The following DSCAM variants were observed in gnomAD, a reference collection of about 807,000 sequenced individuals.
DSCAM encodes the protein DS cell adhesion molecule, also known as cell adhesion molecule DSCAM.
DSCAM carries 47 observed loss-of-function variants against 217.7 expected under a neutral mutation model. That is an observed-to-expected ratio of 0.22 (90% CI 0.17 to 0.28). The LOEUF (loss-of-function observed/expected upper bound fraction) is 0.28. Among genes scored for constraint, DSCAM ranks in the 10% least tolerant of loss-of-function variants. DSCAM has a pLI of 1.00. For missense variants in DSCAM, 2,080 were observed against 2,618.3 expected (o/e 0.79, Z 4.49); for synonymous variants, 1,056 against 1,015.3 (o/e 1.04, Z -0.76).
chr21:40,632,222 AC>A (rs1416731756), intron 3 of DSCAM, among the ~76,000 whole-genome samples: 1 of 151,782 alleles, frequency 6.6e-6, no homozygotes, highest in East Asian at 1.9e-4. Flanking sequence ...AAATAAAACT[AC>A]CCCCAAGACA....
chr21:40,408,361 T>C (rs1220012338), intron 3 of DSCAM, among the ~76,000 whole-genome samples: 1 of 152,026 alleles, frequency 6.6e-6, no homozygotes. Context: ...ATCATTAGAA[T>C]GGGAAACCAT....
Position 40,285,698 on chromosome 21 carries a change from C to A in DSCAM, c.2183-9428G>T, listed in dbSNP as rs550773279. Among the ~76,000 whole-genome samples the A allele has an allele frequency of 4.6e-5, 7 of 152,300 alleles. No individual in the cohort carries two copies. The South Asian group carries it at 1.4e-3, about 32-fold the overall frequency. On this transcript the variant is annotated intron_variant, in intron 10 of 32. Coordinates refer to ENST00000400454, the MANE Select transcript of DSCAM (RefSeq NM_001389.5). ...CCCTTGTCTCTTCTTGGGGAACACA[C>A]AACACACAAGCAGAGCTCCTTTTGT...
intron 3 of DSCAM, among the ~76,000 whole-genome samples, chr21:40,546,251 G>A (rs144742019): frequency 6.6e-6 from 1 of 152,296 alleles, no homozygotes; most frequent in South Asian, 2.1e-4. Context: ...AGGAGAGCTG[G>A]GGGTCCACAC....
chr21:40,298,372 C>T (rs116878724), intron 9 of DSCAM, among the ~76,000 whole-genome samples: 1,990 of 152,138 alleles, frequency 0.013, 24 homozygotes, highest in Non-Finnish European at 0.021. Flanking sequence ...TGAGCCACTG[C>T]GCACGGCCTG....
intron 11 of DSCAM, among the ~76,000 whole-genome samples, chr21:40,197,048 G>T (rs190047463): frequency 6.6e-6 from 1 of 152,134 alleles, no homozygotes; most frequent in Non-Finnish European, 1.5e-5. Flanking sequence ...ATAAAGATTA[G>T]AATATAAGAG....
At chr21:40,402,700 G>A (rs753450316) in intron 3 of DSCAM, among the ~76,000 whole-genome samples, 53 of 149,872 alleles carry the variant, frequency 3.5e-4, no homozygotes, top group Non-Finnish European at 6.1e-4. Context: ...AATTTATTGA[G>A]AGGAAGATTT....
chr21:40,299,803 G>A (rs2073994453), intron 9 of DSCAM, among the ~76,000 whole-genome samples: 1 of 152,014 alleles, frequency 6.6e-6, no homozygotes, highest in Non-Finnish European at 1.5e-5. Flanking sequence ...AAAGTAAGCA[G>A]CAGTTTATTT....
chr21:40,379,761 A>C (rs1338050737), intron 3 of DSCAM, among the ~76,000 whole-genome samples: 1 of 152,196 alleles, frequency 6.6e-6, no homozygotes, highest in East Asian at 1.9e-4. Context: ...ACTGTTTAGA[A>C]GATATACATA....
intron 3 of DSCAM, among the ~76,000 whole-genome samples, chr21:40,453,091 T>TGTGTGTGTGA (rs1555921384): frequency 7.8e-6 from 1 of 128,884 alleles, no homozygotes; most frequent in Non-Finnish European, 1.6e-5. Flanking sequence ...TGTGTGTGTG[T>TGTGTGTGTGA]GAGATATATG....
intron 11 of DSCAM, among the ~76,000 whole-genome samples, chr21:40,209,516 G>A (rs116225257): frequency 0.013 from 2,054 of 152,200 alleles, 57 homozygotes; most frequent in African/African-American, 0.047. Flanking sequence ...CTGAGCTGCT[G>A]TCTCCCATCT....
intron 1 of DSCAM, among the ~76,000 whole-genome samples, chr21:40,788,102 T>C (rs541331767): frequency 6.6e-6 from 1 of 152,346 alleles, no homozygotes; most frequent in East Asian, 1.9e-4. Context: ...TTCCTCGCCC[T>C]CTTCCAAGAA....
At chr21:40,693,090 T>C (rs1374256932) in intron 2 of DSCAM, 134 bp from the exon 3 acceptor site, 1 of 1,048,760 alleles carries the variant, frequency 9.5e-7, no homozygotes, top group Non-Finnish European at 1.3e-6. Context: ...ACAGTTAAGA[T>C]GCCTACATTT....
intron 1 of DSCAM, among the ~76,000 whole-genome samples, chr21:40,729,262 C>G (rs981158568): frequency 6.6e-6 from 1 of 152,160 alleles, no homozygotes; most frequent in Non-Finnish European, 1.5e-5. Flanking sequence ...AGGAACAGAG[C>G]TGGGATTTGG....
At chr21:40,437,353 G>A (rs1455366577) in intron 3 of DSCAM, among the ~76,000 whole-genome samples, 1 of 152,120 alleles carries the variant, frequency 6.6e-6, no homozygotes, top group Non-Finnish European at 1.5e-5. Flanking sequence ...CAGAGTCACA[G>A]AGGCAATACT....
At chr21:40,395,324 A>T (rs2075169045) in intron 3 of DSCAM, among the ~76,000 whole-genome samples, 1 of 151,258 alleles carries the variant, frequency 6.6e-6, no homozygotes, top group Non-Finnish European at 1.5e-5. Flanking sequence ...GTCTATTTTT[A>T]CTTTCCTTCT....
chr21:40,196,451 G>A (rs549403993), intron 11 of DSCAM, among the ~76,000 whole-genome samples: 4 of 152,266 alleles, frequency 2.6e-5, no homozygotes, highest in African/African-American at 9.6e-5. Context: ...GTCCCTGGGG[G>A]TGGGGGTTAT....
chr21:40,721,475 A>T (rs2090900582), intron 1 of DSCAM, among the ~76,000 whole-genome samples: 1 of 152,216 alleles, frequency 6.6e-6, no homozygotes, highest in African/African-American at 2.4e-5. Context: ...CAAACAGCCA[A>T]GCTGCAAATA....
chr21:40,339,225 GC>G lies in DSCAM; in HGVS notation c.1400del (p.Ser467ThrfsTer3). ...QMITSEGNVV[S>X]YLNISSSQVR... ...CCTGGGAGCTGGAGATGTTCAGGTAGCTGACCACGTTCCCCTCCGACGTGAT... is the reference window on the plus strand; with the variant it reads ...CCTGGGAGCTGGAGATGTTCAGGTAGTGACCACGTTCCCCTCCGACGTGAT... On this transcript the variant is annotated frameshift_variant, in exon 7 of 33. Transcript: ENST00000400454. LOFTEE classifies it high-confidence loss of function. 6.2e-7 allele frequency: 1 copy of G among 1,614,188 alleles called. No individual in the cohort carries two copies. The highest frequency in any genetic ancestry group is 8.5e-7 in the Non-Finnish European group (1 of 1,180,024).
chr21:40,786,365 T>G (rs1376054349), intron 1 of DSCAM, among the ~76,000 whole-genome samples: 1 of 152,074 alleles, frequency 6.6e-6, no homozygotes, highest in African/African-American at 2.4e-5. Flanking sequence ...CATCCACATA[T>G]AAACTTCAGA....
Sources: allele counts gnomAD v4.1 joint callset (sites outside exome capture counted in the v4.1 genomes callset), GRCh38; gene constraint gnomAD v4.1.1; transcripts MANE v1.5; gene names NCBI Gene and HGNC (gene_info 2026-07-23, HGNC 2026-07-21).